DAB1: variants seen among roughly 807,000 people sequenced by gnomAD.
DAB1 encodes the protein disabled homolog 1.
Under a neutral mutation model 64.6 loss-of-function variants are expected in DAB1, and 15 were observed. The ratio of observed to expected loss-of-function variants is 0.23; its 90% CI spans 0.16 to 0.36. The LOEUF (loss-of-function observed/expected upper bound fraction) is 0.36. Ranked by LOEUF, DAB1 falls within the 10% of genes least tolerant of loss-of-function variation. The probability of loss-of-function intolerance (pLI) is 1.00; values close to 1 mark genes in which losing one functional copy is unlikely to be tolerated. For missense variants in DAB1, 596 were observed against 706.7 expected (o/e 0.84, Z 1.78); for synonymous variants, 235 against 251.9 (o/e 0.93, Z 0.64).
chr1:57,061,228 T>TGCG lies in DAB1; in HGVS notation c.723+1655_723+1656insCGC, dbSNP rs796808475. ...ATAGGTTTCAGAAGCCATATTTAGA[T>TGCG]GGGGGGGGGGGGTGGTTTCAAGATC... On this transcript the variant is annotated intron_variant, in intron 9 of 14. Transcript: ENST00000371236. 5.2e-3 allele frequency among the ~76,000 whole-genome samples: 596 copies of TGCG among 114,762 alleles called. 11 individuals are homozygous for TGCG. Among genetic ancestry groups the TGCG allele is most frequent in the African/African-American group, 0.019 (569 of 29,196 alleles). 75.3% of individuals were successfully genotyped at this position (114,762 alleles called of 152,430 possible). A position where few individuals can be genotyped will look rare whatever the true frequency, so the allele number is the denominator to read the frequency against.
chr1:58,333,726 C>G (rs1320041289), intron 4 of DAB1, among the ~76,000 whole-genome samples: 1 of 152,202 alleles, frequency 6.6e-6, no homozygotes, highest in African/African-American at 2.4e-5. Flanking sequence ...ATGAGTTGAT[C>G]TCAGTTTCCT....
intron 3 of DAB1, among the ~76,000 whole-genome samples, chr1:58,470,332 C>T (rs189334088): frequency 2.6e-5 from 4 of 151,978 alleles, no homozygotes; most frequent in South Asian, 2.1e-4. Context: ...CAGCACCGCA[C>T]CCAGCTAATT....
At chr1:58,080,882 C>G (rs567862862) in intron 5 of DAB1, among the ~76,000 whole-genome samples, 5 of 152,314 alleles carry the variant, frequency 3.3e-5, no homozygotes, top group Admixed American at 3.3e-4. Context: ...GTTTTCCCTG[C>G]TATTAAGGAT....
chr1:57,222,166 C>T (rs1272648669), intron 2 of DAB1, among the ~76,000 whole-genome samples: 1 of 152,054 alleles, frequency 6.6e-6, no homozygotes, highest in Non-Finnish European at 1.5e-5. Context: ...AAGAAACTTG[C>T]TTGAGGTCAA....
At chr1:58,326,400 G>C (rs972009397) in intron 4 of DAB1, among the ~76,000 whole-genome samples, 1 of 152,174 alleles carries the variant, frequency 6.6e-6, no homozygotes, top group Non-Finnish European at 1.5e-5. Flanking sequence ...CTCTCGGCCA[G>C]AGCTCAAAGC....
At chr1:57,081,130 C>T (rs1188359842) in intron 4 of DAB1, among the ~76,000 whole-genome samples, 3 of 152,194 alleles carry the variant, frequency 2.0e-5, no homozygotes, top group Non-Finnish European at 4.4e-5. Context: ...GGATTTGAAT[C>T]CTTCCATGGC....
chr1:57,856,439 T>C (rs917762846), intron 1 of DAB1, among the ~76,000 whole-genome samples: 1 of 152,134 alleles, frequency 6.6e-6, no homozygotes, highest in Non-Finnish European at 1.5e-5. Context: ...TAAAAGTAGT[T>C]ACTGTACATA....
In DAB1 at chr1:58,007,868, G is replaced by A. The variant is rs536757699; in HGVS notation, n.388-123706C>T. Reference sequence around the variant, plus strand: ...AAGTTCAGCTTTATTTTATATTTGGGGGCCATATTTTATTCTTTCACATGT... The same window carrying A: ...AAGTTCAGCTTTATTTTATATTTGGAGGCCATATTTTATTCTTTCACATGT... On this transcript the variant is annotated intron_variant and non_coding_transcript_variant, in intron 5 of 20. Transcript: ENST00000485760. 2.6e-5 allele frequency among the ~76,000 whole-genome samples: 4 copies of A among 152,108 alleles called. No individual in the cohort carries two copies. The South Asian group carries it at 8.3e-4, about 32-fold the overall frequency.
chr1:57,756,832 T>C (rs190035790), intron 6 of DAB1, among the ~76,000 whole-genome samples: 1 of 147,104 alleles, frequency 6.8e-6, no homozygotes, highest in African/African-American at 2.4e-5. Flanking sequence ...AACCCTGTAA[T>C]CTTTTTAATG....
intron 5 of DAB1, among the ~76,000 whole-genome samples, chr1:58,095,234 G>A (rs993053615): frequency 3.9e-5 from 6 of 152,104 alleles, no homozygotes; most frequent in Admixed American, 2.0e-4. Flanking sequence ...CAAACTCTTC[G>A]CATGTACTTA....
intron 6 of DAB1, among the ~76,000 whole-genome samples, chr1:57,759,149 C>A (rs1648954870): frequency 6.6e-6 from 1 of 152,142 alleles, no homozygotes; most frequent in Non-Finnish European, 1.5e-5. Flanking sequence ...TAGTTATAGA[C>A]AAGCAGGTGG....
chr1:57,021,908 G>A (rs1646635750), intron 11 of DAB1, among the ~76,000 whole-genome samples: 1 of 152,086 alleles, frequency 6.6e-6, no homozygotes, highest in African/African-American at 2.4e-5. Context: ...CTAGGCAAGA[G>A]CCCCTCGTGA....
intron 4 of DAB1, among the ~76,000 whole-genome samples, chr1:58,296,708 AAC>A (rs897912349): frequency 3.3e-5 from 5 of 152,176 alleles, no homozygotes; most frequent in African/African-American, 1.2e-4. Context: ...TATTTATCAT[AAC>A]AGTTGTTATG....
At chr1:57,480,763 G>T (rs904274553) in intron 7 of DAB1, among the ~76,000 whole-genome samples, 2 of 152,184 alleles carry the variant, frequency 1.3e-5, no homozygotes, top group East Asian at 1.9e-4. Flanking sequence ...GCGATTATAG[G>T]CATGAGCCAC....
chr1:57,454,059 T>G (rs1476347152), intron 7 of DAB1, among the ~76,000 whole-genome samples: 1 of 152,160 alleles, frequency 6.6e-6, no homozygotes, highest in Non-Finnish European at 1.5e-5. Context: ...GGTGCCTTAC[T>G]TATTGCAAAC....
At chr1:57,377,312 G>A (rs917791529) in intron 1 of DAB1, among the ~76,000 whole-genome samples, 4 of 151,172 alleles carry the variant, frequency 2.6e-5, no homozygotes, top group Non-Finnish European at 5.9e-5. Context: ...CCACTGATAA[G>A]GAGTCTATTG....
At chr1:58,201,055 C>T (rs1276301362) in intron 4 of DAB1, among the ~76,000 whole-genome samples, 2 of 149,368 alleles carry the variant, frequency 1.3e-5, no homozygotes, top group South Asian at 2.1e-4. Context: ...CTCGCTCTGT[C>T]GCCCAGGCTG....
At chr1:57,354,256 A>C (rs564599174) in intron 1 of DAB1, among the ~76,000 whole-genome samples, 9 of 152,260 alleles carry the variant, frequency 5.9e-5, no homozygotes, top group African/African-American at 2.2e-4. Context: ...TCTGGCTGAC[A>C]TTCCTAGCAT....
intron 1 of DAB1, among the ~76,000 whole-genome samples, chr1:57,859,727 A>G (rs1278278696): frequency 6.6e-6 from 1 of 152,178 alleles, no homozygotes; most frequent in Admixed American, 6.5e-5. Flanking sequence ...GGTATCTGAG[A>G]TGGAATATAT....
Sources: gnomAD v4.1 joint callset for allele counts (sites outside exome capture counted in the v4.1 genomes callset) on GRCh38, gnomAD v4.1.1 for gene constraint, MANE v1.5 for transcripts, NCBI Gene and HGNC (gene_info 2026-07-23, HGNC 2026-07-21) for gene names.